Variants in LNX1 observed in about 807,000 individuals in gnomAD.
LNX1 encodes E3 ubiquitin-protein ligase LNX.
Under a neutral mutation model 68.4 loss-of-function variants are expected in LNX1, and 54 were observed. The observed-to-expected ratio is 0.79, with a 90% confidence interval of 0.63 to 0.99. The LOEUF is 0.99. Among genes scored for constraint, LNX1 ranks in the 50% least tolerant of loss-of-function variants. The pLI is 0.00. For missense variants in LNX1, 906 were observed against 926.4 expected, an observed-to-expected ratio of 0.98 and a Z score of 0.29; for synonymous variants, 336 against 350.0, an observed-to-expected ratio of 0.96 and a Z score of 0.45.
chr4:53,629,399 C>A (rs1734188459), intron 1 of LNX1, among the ~76,000 whole-genome samples: 1 of 152,122 alleles, frequency 6.6e-6, no homozygotes, highest in Non-Finnish European at 1.5e-5. Context: ...GGCAGACTTG[C>A]AGTGCTAAGA....
At chr4:53,503,628 G>A (rs911293056) in intron 4 of LNX1, among the ~76,000 whole-genome samples, 2 of 152,186 alleles carry the variant, frequency 1.3e-5, no homozygotes, top group African/African-American at 4.8e-5. Flanking sequence ...AGAAAGCACA[G>A]GCAGAGTAGA....
chr4:53,533,294 T>TA lies in LNX1; in HGVS notation c.381-25068dup, dbSNP rs1728142042. 1.3e-5 allele frequency among the ~76,000 whole-genome samples: 2 copies of TA among 152,156 alleles called. 1 individual carries two copies. Among genetic ancestry groups the TA allele is most frequent in the South Asian group, 4.1e-4 (2 of 4,832 alleles). ...AACCAGATTTGCCCGAGGAGCTTGG[T>TA]AAAAATAGAATCCTGGGCCCCATTC... On this transcript the variant is annotated intron_variant, in intron 2 of 10. Transcript: ENST00000263925.
chr4:53,460,835 A>AAGAT lies in LNX1; in HGVS notation c.*68_*71dup, dbSNP rs533297410. The AAGAT allele has an allele frequency of 2.8e-5, 37 of 1,334,554 alleles. No homozygotes were observed. In the African/African-American group the frequency reaches 3.5e-4, roughly 13 times the overall value. 82.7% of individuals were successfully genotyped at this position (1,334,554 alleles called of 1,614,324 possible). On this transcript the variant is annotated 3_prime_UTR_variant, in exon 11 of 11. Coordinates refer to ENST00000263925, the MANE Select transcript of LNX1 (RefSeq NM_001126328.3). ...TCTTTCTTTAAATATAAAAACTGAC[A>AAGAT]AGATAAATATAGTGTTTCAACTTCT...
At chr4:53,535,883 A>T (rs1299599093) in intron 2 of LNX1, among the ~76,000 whole-genome samples, 1 of 152,174 alleles carries the variant, frequency 6.6e-6, no homozygotes, top group Non-Finnish European at 1.5e-5. Flanking sequence ...ATGACCCCTG[A>T]TAACTGTTGA....
chr4:53,611,927 A>T (rs1021493060), intron 2 of LNX1, among the ~76,000 whole-genome samples: 1 of 152,220 alleles, frequency 6.6e-6, no homozygotes. Flanking sequence ...CTTTTCAGGC[A>T]GAGATAATAT....
At chr4:53,604,622 T>C (rs374529742) in intron 2 of LNX1, among the ~76,000 whole-genome samples, 3 of 152,362 alleles carry the variant, frequency 2.0e-5, no homozygotes, top group African/African-American at 7.2e-5. Context: ...ATATCTGATA[T>C]CTGGAATATT....
chr4:53,628,862 A>C (rs1734169005), intron 1 of LNX1, among the ~76,000 whole-genome samples: 1 of 152,186 alleles, frequency 6.6e-6, no homozygotes, highest in Non-Finnish European at 1.5e-5. Flanking sequence ...TTTCTAAGTA[A>C]AGTAACTCAG....
At chr4:53,496,568 A>C in intron 5 of LNX1, 174 bp from the exon 6 acceptor site, 1 of 735,268 alleles carries the variant, frequency 1.4e-6, no homozygotes, top group Non-Finnish European at 2.1e-6. Flanking sequence ...TGTTCTCTCC[A>C]AGCGTGGCCT....
chr4:53,629,612 T>C (rs1284212024), intron 1 of LNX1, among the ~76,000 whole-genome samples: 3 of 152,146 alleles, frequency 2.0e-5, no homozygotes, highest in Non-Finnish European at 4.4e-5. Context: ...CATTTGGCCA[T>C]GGATGAAGCA....
intron 7 of LNX1, 60 bp downstream of exon 7, chr4:53,481,660 A>G: frequency 1.9e-6 from 3 of 1,563,034 alleles, no homozygotes; most frequent in South Asian, 2.3e-5. Flanking sequence ...TGTTAAAACA[A>G]GCAGCCTTCC....
chr4:53,620,715 A>C (rs539170924), upstream of LNX1, among the ~76,000 whole-genome samples: 49 of 152,238 alleles, frequency 3.2e-4, no homozygotes, highest in African/African-American at 1.1e-3. Context: ...AAAAATAATA[A>C]GAAAAGAAAA....
In LNX1 at chr4:53,645,213, G is replaced by A. The variant is rs112839755; in HGVS notation, c.-215+6955C>T. ...TACACAAATTAAGAATCCAGAGGAA[G>A]GGCTCCTTTGGCAAGGGAACTCTCG... On this transcript the variant is annotated intron_variant, in intron 1 of 2. Coordinates refer to the LNX1 transcript ENST00000507168. Among the ~76,000 whole-genome samples, 870 of 152,312 alleles carry A rather than the reference G, an allele frequency of 5.7e-3. 8 individuals carry two copies. Among genetic ancestry groups the A allele is most frequent in the African/African-American group, 0.02 (834 of 41,574 alleles).
chr4:53,503,390 T>G (rs1725642069), intron 4 of LNX1, among the ~76,000 whole-genome samples: 1 of 152,232 alleles, frequency 6.6e-6, no homozygotes, highest in Non-Finnish European at 1.5e-5. Context: ...GAAATTACTC[T>G]TTGATCCACG....
Position 53,486,372 on chromosome 4 carries a change from A to C in LNX1, c.1351-4518T>G, listed in dbSNP as rs565009527. Among the ~76,000 whole-genome samples, 3 of 152,236 alleles carry C rather than the reference A, an allele frequency of 2.0e-5. No individual in the cohort carries two copies. In the South Asian group the frequency reaches 6.2e-4, roughly 32 times the overall value. ...GAGTAGCTGGGGCTACAGGCATGCC[A>C]CTTCACCCAGCATCCCTCTCTTTTT... On this transcript the variant is annotated intron_variant, in intron 6 of 10. Transcript: ENST00000263925.
At chr4:53,645,140 TG>T (rs1232734783) in intron 1 of LNX1, among the ~76,000 whole-genome samples, 1 of 152,158 alleles carries the variant, frequency 6.6e-6, no homozygotes, top group Non-Finnish European at 1.5e-5. Context: ...GTTTTTCTCC[TG>T]GGGCAGGAGT....
chr4:53,499,108 T>C (rs1176348323), intron 4 of LNX1, among the ~76,000 whole-genome samples: 4 of 152,156 alleles, frequency 2.6e-5, no homozygotes, highest in Non-Finnish European at 5.9e-5. Context: ...GCCCACTTCC[T>C]ATAAAGCTTT....
At chr4:53,567,501 T>C (rs1027537648) in intron 2 of LNX1, among the ~76,000 whole-genome samples, 7 of 152,168 alleles carry the variant, frequency 4.6e-5, no homozygotes, top group Admixed American at 4.6e-4. Flanking sequence ...AAGCAGTGTG[T>C]AGAGGGAAAT....
chr4:53,571,384 T>C (rs1404536582), intron 2 of LNX1, among the ~76,000 whole-genome samples: 2 of 151,924 alleles, frequency 1.3e-5, no homozygotes, highest in Non-Finnish European at 2.9e-5. Context: ...GGTAATCACA[T>C]GAGTTCTTAT....
At chr4:53,596,299 G>T (rs1732748146), upstream of LNX1, among the ~76,000 whole-genome samples, 1 of 152,168 alleles carries the variant, frequency 6.6e-6, no homozygotes, top group Non-Finnish European at 1.5e-5. Context: ...GTAACCTGTG[G>T]ACCTACAGTT....
Sources: gnomAD v4.1 joint callset for allele counts (sites outside exome capture counted in the v4.1 genomes callset) on GRCh38, gnomAD v4.1.1 for gene constraint, MANE v1.5 for transcripts, NCBI Gene and HGNC (gene_info 2026-07-23, HGNC 2026-07-21) for gene names.